Variants in QTRT2 observed in about 807,000 individuals in gnomAD.
QTRT2 encodes the protein queuine tRNA-ribosyltransferase domain containing 1.
Under a neutral mutation model 44.8 loss-of-function variants are expected in QTRT2, and 32 were observed. The observed-to-expected ratio is 0.71, with a 90% confidence interval of 0.54 to 0.96. The LOEUF is 0.96. Among genes scored for constraint, QTRT2 ranks in the 40% least tolerant of loss-of-function variants. QTRT2 has a pLI of 0.00. For synonymous variants in QTRT2, 182 were observed against 187.4 expected (o/e 0.97, Z 0.24); for missense variants, 461 against 503.1 (o/e 0.92, Z 0.80).
intron 2 of QTRT2, among the ~76,000 whole-genome samples, chr3:114,059,890 G>A (rs1466090543): frequency 2.0e-5 from 3 of 152,200 alleles, no homozygotes; most frequent in Non-Finnish European, 2.9e-5. Flanking sequence ...AGAAAGCCAA[G>A]TAGGTATTTC....
At chr3:114,058,042 G>A (rs1559944015) in intron 2 of QTRT2, among the ~76,000 whole-genome samples, 1 of 152,004 alleles carries the variant, frequency 6.6e-6, no homozygotes, top group Non-Finnish European at 1.5e-5. Context: ...TACCAGCTGG[G>A]GATTTTATCA....
chr3:114,058,180 G>T (rs2076831375), intron 2 of QTRT2, among the ~76,000 whole-genome samples: 1 of 152,146 alleles, frequency 6.6e-6, no homozygotes, highest in East Asian at 1.9e-4. Context: ...ATAAATGTTA[G>T]TTGCTATTAT....
At chr3:114,071,424 G>A (rs1039475259) in intron 6 of QTRT2, among the ~76,000 whole-genome samples, 4 of 151,918 alleles carry the variant, frequency 2.6e-5, no homozygotes, top group South Asian at 2.1e-4. Flanking sequence ...TCAGCCTCCC[G>A]TATAGCTGAT....
rs1036718324 is a variant in QTRT2 at position 114,086,883 on chromosome 3, A to G, written c.*979A>G. ...AACTTTTAAGATACTGTCTAGCTCT[A>G]AAATTGGAAGAACAAAAAGTTTTAG... On this transcript the variant is annotated 3_prime_UTR_variant, in exon 10 of 10. Coordinates refer to ENST00000281273, the MANE Select transcript of QTRT2 (RefSeq NM_024638.4). 1 of 152,232 alleles carries G rather than the reference A, an allele frequency of 6.6e-6. No individual in the cohort carries two copies. Among genetic ancestry groups the G allele is most frequent in the Admixed American group, 6.5e-5 (1 of 15,288 alleles). The allele number at this position is 152,232 out of a possible 1,614,324, so 9.4% of individuals were successfully genotyped here.
At chr3:114,058,478 G>A (rs1307517965) in intron 2 of QTRT2, among the ~76,000 whole-genome samples, 2 of 152,134 alleles carry the variant, frequency 1.3e-5, no homozygotes, top group African/African-American at 2.4e-5. Context: ...ATGGTGTAAC[G>A]ATTTCCGAAT....
intron 6 of QTRT2, among the ~76,000 whole-genome samples, chr3:114,074,091 T>C (rs2077058976): frequency 6.6e-6 from 1 of 152,182 alleles, no homozygotes; most frequent in Admixed American, 6.5e-5. Flanking sequence ...GTTAGTCACA[T>C]CTGCTGTGGA....
At chr3:114,065,514 A>T in intron 3 of QTRT2, 57 bp downstream of exon 3, 1 of 1,315,870 alleles carries the variant, frequency 7.6e-7, no homozygotes, top group East Asian at 2.4e-5. Flanking sequence ...TAGTTACCTT[A>T]GGTGCAAAAA....
intron 2 of QTRT2, among the ~76,000 whole-genome samples, chr3:114,060,496 G>GTAGGTAGGTAGA (rs74776205): frequency 0.021 from 3,073 of 144,282 alleles, 42 homozygotes; most frequent in Middle Eastern, 0.028. Context: ...AGGTAGGTAG[G>GTAGGTAGGTAGA]TAGATAGATA....
At chr3:114,081,002 G>C (rs2077159045) in intron 8 of QTRT2, among the ~76,000 whole-genome samples, 1 of 152,168 alleles carries the variant, frequency 6.6e-6, no homozygotes, top group Non-Finnish European at 1.5e-5. Context: ...AATGTATGTG[G>C]ATAGGTATAC....
At chr3:114,059,549 A>G (rs1381942742) in intron 2 of QTRT2, among the ~76,000 whole-genome samples, 1 of 152,224 alleles carries the variant, frequency 6.6e-6, no homozygotes, top group Non-Finnish European at 1.5e-5. Context: ...AACATTTACC[A>G]TAACCTGAAC....
chr3:114,083,268 T>TTTG (rs944027128), intron 9 of QTRT2, among the ~76,000 whole-genome samples: 14 of 150,556 alleles, frequency 9.3e-5, no homozygotes, highest in Admixed American at 7.3e-4. Context: ...ATTTCTTTTC[T>TTTG]TTGTTGTTGT....
At chr3:114,065,514 A>G in intron 3 of QTRT2, 57 bp downstream of exon 3, 1 of 1,315,870 alleles carries the variant, frequency 7.6e-7, no homozygotes, top group Non-Finnish European at 1.1e-6. Flanking sequence ...TAGTTACCTT[A>G]GGTGCAAAAA....
rs144115849 is a variant in QTRT2 at position 114,061,355 on chromosome 3, A to G, written c.-21-3882A>G. ...ATAGGTTTGAGCCTGACCCTGAGTG[A>G]TGGCTCTGTGCTGGGTATATAGAAA... On this transcript the variant is annotated intron_variant, in intron 2 of 9. Coordinates refer to ENST00000281273, the MANE Select transcript of QTRT2 (RefSeq NM_024638.4). Among the ~76,000 whole-genome samples the G allele has an allele frequency of 9.5e-4, 144 of 152,196 alleles. 4 individuals are homozygous for G. The East Asian group carries it at 0.016, about 17-fold the overall frequency.
chr3:114,057,200 C>T, intron 2 of QTRT2, 94 bp downstream of exon 2: 2 of 458,386 alleles, frequency 4.4e-6, no homozygotes, highest in Non-Finnish European at 6.5e-6. Flanking sequence ...GGTCTGGGGC[C>T]ATGGAGATGG....
rs2077231732 is a variant in QTRT2, at chr3:114,085,942, C to T, written c.*38C>T. 1 of 1,425,884 alleles carries T rather than the reference C, an allele frequency of 7.0e-7. No individual in the cohort carries two copies. The highest frequency in any genetic ancestry group is 2.3e-5 in the East Asian group (1 of 43,916). The allele number at this position is 1,425,884 out of a possible 1,614,324, so 88.3% of individuals were successfully genotyped here. ...ACAAGTCTCACTCTTCACACTGAGC[C>T]TGTACCACTGTTGTAACATGGGAAG... is the stretch of plus-strand genomic sequence containing the variant. On this transcript the variant is annotated 3_prime_UTR_variant, in exon 10 of 10. Coordinates refer to ENST00000281273, the MANE Select transcript of QTRT2 (RefSeq NM_024638.4).
At chr3:114,067,835 G>T in intron 4 of QTRT2, 152 bp from the exon 5 acceptor site, 1 of 589,130 alleles carries the variant, frequency 1.7e-6, no homozygotes, top group Non-Finnish European at 3.1e-6. Flanking sequence ...CATATTGATA[G>T]GCCTTCTCTA....
At chr3:114,075,296 A>T (rs2077074406) in intron 6 of QTRT2, among the ~76,000 whole-genome samples, 1 of 152,164 alleles carries the variant, frequency 6.6e-6, no homozygotes, top group Admixed American at 6.5e-5. Flanking sequence ...AAGGTTTAGT[A>T]GTTCTTCATA....
chr3:114,057,802 A>G (rs1204487606), intron 2 of QTRT2, among the ~76,000 whole-genome samples: 1 of 152,326 alleles, frequency 6.6e-6, no homozygotes. Flanking sequence ...TCCCTCCCAT[A>G]TGCAAGTATG....
At chr3:114,070,178 G>C (rs1289884542) in intron 5 of QTRT2, among the ~76,000 whole-genome samples, 5 of 152,144 alleles carry the variant, frequency 3.3e-5, no homozygotes, top group African/African-American at 1.2e-4. Context: ...TGAGGTGATG[G>C]ATACTTAAAT....
Sources: allele counts gnomAD v4.1 joint callset (sites outside exome capture counted in the v4.1 genomes callset), GRCh38; gene constraint gnomAD v4.1.1; transcripts MANE v1.5; gene names NCBI Gene and HGNC (gene_info 2026-07-23, HGNC 2026-07-21).